The following ST18 variants were observed in gnomAD, a reference collection of about 807,000 sequenced individuals.
The protein encoded by ST18 is suppression of tumorigenicity 18 protein.
A neutral mutation model predicts 110.0 loss-of-function variants in ST18; 50 were observed. The observed-to-expected ratio is 0.45, with a 90% confidence interval of 0.36 to 0.58. The LOEUF is 0.58. Ranked by LOEUF, ST18 falls within the 20% of genes least tolerant of loss-of-function variation. ST18 has a pLI of 0.00. For missense variants in ST18, 1,306 were observed against 1,280.1 expected, an observed-to-expected ratio of 1.02 and a Z score of -0.31; for synonymous variants, 461 against 452.4, an observed-to-expected ratio of 1.02 and a Z score of -0.24.
At chr8:52,161,232 T>G in intron 14 of ST18, 143 bp downstream of exon 14, 2 of 733,916 alleles carry the variant, frequency 2.7e-6, no homozygotes, top group Non-Finnish European at 4.2e-6. Flanking sequence ...TTCTTTATGG[T>G]ATTTCACTTG....
chr8:52,314,020 G>A lies in ST18; in HGVS notation c.-464-83943C>T, dbSNP rs183657819. 1.3e-3 allele frequency among the ~76,000 whole-genome samples: 201 copies of A among 152,276 alleles called. No individual in the cohort carries two copies. The Middle Eastern group carries it at 0.014, about 10-fold the overall frequency. ...ACTGGGCCTACCTTCAGGACCCAGC[G>A]CAGCTCTCAAGCCAAGGCCAGACTC... On this transcript the variant is annotated intron_variant, in intron 2 of 25. Coordinates refer to ENST00000689386, the MANE Select transcript of ST18 (RefSeq NM_001352837.2).
intron 2 of ST18, among the ~76,000 whole-genome samples, chr8:52,371,627 T>C (rs1830292426): frequency 3.3e-5 from 5 of 152,338 alleles, no homozygotes; most frequent in Middle Eastern, 3.4e-3. Flanking sequence ...TAAAATGACA[T>C]GATAAGCTCA....
intron 6 of ST18, among the ~76,000 whole-genome samples, chr8:52,215,008 C>T (rs897482559): frequency 3.9e-5 from 6 of 152,142 alleles, no homozygotes; most frequent in Non-Finnish European, 5.9e-5. Context: ...CTAGAATCCG[C>T]GAATCATCTC....
intron 2 of ST18, among the ~76,000 whole-genome samples, chr8:52,342,365 T>C (rs993373559): frequency 1.6e-4 from 5 of 30,982 alleles, no homozygotes; most frequent in East Asian, 1.1e-3. Context: ...TATGACTCCA[T>C]ATAACTCTCA....
At chr8:52,126,240 G>A (rs1334142114) in intron 22 of ST18, 100 bp from the exon 23 acceptor site, 3 of 1,147,406 alleles carry the variant, frequency 2.6e-6, no homozygotes, top group Admixed American at 2.1e-5. Context: ...TTTTGCTGCC[G>A]ATTAATTACA....
At chr8:52,166,244 G>A (rs1043244732) in intron 11 of ST18, among the ~76,000 whole-genome samples, 1 of 152,136 alleles carries the variant, frequency 6.6e-6, no homozygotes, top group Middle Eastern at 3.2e-3. Context: ...ACTCTGGAGG[G>A]ACTGCCCCTC....
At chr8:52,305,249 T>C (rs1420491885) in intron 2 of ST18, among the ~76,000 whole-genome samples, 2 of 152,204 alleles carry the variant, frequency 1.3e-5, no homozygotes, top group Non-Finnish European at 2.9e-5. Context: ...GGTCATGCCC[T>C]CCTTTGGAAA....
chr8:52,278,698 T>C (rs925208461), intron 2 of ST18, among the ~76,000 whole-genome samples: 1 of 152,140 alleles, frequency 6.6e-6, no homozygotes, highest in Admixed American at 6.5e-5. Context: ...AAGAAAACTG[T>C]CATGCCTCGG....
intron 2 of ST18, among the ~76,000 whole-genome samples, chr8:52,329,315 T>C (rs2140039890): frequency 6.6e-6 from 1 of 151,430 alleles, no homozygotes; most frequent in South Asian, 2.1e-4. Flanking sequence ...CACTGCCCTT[T>C]GAGTTACAGG....
At chr8:52,372,569 T>G (rs1830659240) in intron 2 of ST18, among the ~76,000 whole-genome samples, 2 of 152,236 alleles carry the variant, frequency 1.3e-5, no homozygotes, top group South Asian at 4.1e-4. Flanking sequence ...GTAAGTGCCC[T>G]GTACAGGTGG....
chr8:52,154,155 A>G (rs1330313588), intron 15 of ST18, among the ~76,000 whole-genome samples: 1 of 152,184 alleles, frequency 6.6e-6, no homozygotes, highest in African/African-American at 2.4e-5. Flanking sequence ...GACCGTCATA[A>G]CATTTCACTC....
Position 52,118,424 on chromosome 8 carries a change from C to T in ST18, c.2773G>A (p.Glu925Lys), listed in dbSNP as rs770593107. 3 of 1,607,754 alleles carry T rather than the reference C, an allele frequency of 1.9e-6. No homozygotes were observed. Among genetic ancestry groups the T allele is most frequent in the Non-Finnish European group, 1.7e-6 (2 of 1,176,028 alleles). ...ATTTCTTCATCCAAATGCCTAATTT[C>T]TTCATCACTCTCTATTCCTGTAAAG... ...KATGGIESDE[E>K]IRHLDEEIKE... The change falls in exon 24 of 26, where the codon GAA (glutamate) becomes AAA (lysine). Residue 925 changes from glutamate to lysine, a missense_variant. Glu to Lys is a moderately conservative substitution (Grantham distance 56). Transcript: ENST00000689386.
chr8:52,206,438 C>T lies in ST18; in HGVS notation c.86+5641G>A, dbSNP rs570649156. 4 of 152,316 alleles carry T rather than the reference C, an allele frequency of 2.6e-5. No homozygotes were observed. The South Asian group carries it at 6.2e-4, about 24-fold the overall frequency. 9.4% of individuals were successfully genotyped at this position (152,316 alleles called of 1,614,324 possible). On this transcript the variant is annotated intron_variant, in intron 8 of 25. Transcript: ENST00000689386. ...AGCTTCCCCAATATATTTTAAGACACTTTTCTGCCCTAGTAAGAACAGTAC... is the reference window on the plus strand; with the variant it reads ...AGCTTCCCCAATATATTTTAAGACATTTTTCTGCCCTAGTAAGAACAGTAC...
At chr8:52,131,122 G>A (rs541691043) in intron 22 of ST18, among the ~76,000 whole-genome samples, 24 of 152,200 alleles carry the variant, frequency 1.6e-4, no homozygotes, top group Admixed American at 1.2e-3. Flanking sequence ...GATATCATCC[G>A]TATATAACTT....
intron 2 of ST18, among the ~76,000 whole-genome samples, chr8:52,281,935 G>A (rs2095386422): frequency 6.6e-6 from 1 of 152,156 alleles, no homozygotes; most frequent in South Asian, 2.1e-4. Flanking sequence ...TACACATTGG[G>A]TACAACGTAC....
intron 2 of ST18, among the ~76,000 whole-genome samples, chr8:52,240,292 T>C (rs1377155956): frequency 6.6e-6 from 1 of 152,138 alleles, no homozygotes; most frequent in Non-Finnish European, 1.5e-5. Flanking sequence ...CATGTAAATA[T>C]AATAATTAAT....
intron 2 of ST18, among the ~76,000 whole-genome samples, chr8:52,395,153 G>A (rs1016169382): frequency 1.3e-5 from 2 of 152,176 alleles, no homozygotes; most frequent in African/African-American, 4.8e-5. Context: ...TCAACATAGA[G>A]ACCACCACCA....
At chr8:52,344,859 T>C (rs1369694491) in intron 2 of ST18, among the ~76,000 whole-genome samples, 1 of 152,248 alleles carries the variant, frequency 6.6e-6, no homozygotes, top group Non-Finnish European at 1.5e-5. Flanking sequence ...TTTTACCATG[T>C]GCCAATAACC....
intron 8 of ST18, among the ~76,000 whole-genome samples, chr8:52,196,399 G>A (rs765693235): frequency 2.0e-5 from 3 of 152,128 alleles, no homozygotes; most frequent in Non-Finnish European, 2.9e-5. Flanking sequence ...ACCCCACCAC[G>A]TAATTCACAT....
Sources: allele counts gnomAD v4.1 joint callset (sites outside exome capture counted in the v4.1 genomes callset), GRCh38; gene constraint gnomAD v4.1.1; transcripts MANE v1.5; gene names NCBI Gene and HGNC (gene_info 2026-07-23, HGNC 2026-07-21).